The following MDM2 variants were observed in gnomAD, a reference collection of about 807,000 sequenced individuals.
The protein encoded by MDM2 is MDM2 proto-oncogene.
A neutral mutation model predicts 64.3 loss-of-function variants in MDM2; 11 were observed. That is an observed-to-expected ratio of 0.17 (90% CI 0.11 to 0.28). MDM2 has a LOEUF of 0.28. MDM2 is among the 10% of genes least tolerant of loss of function. MDM2 has a pLI of 1.00. For missense variants in MDM2, 388 were observed against 577.1 expected, an observed-to-expected ratio of 0.67 and a Z score of 3.36; for synonymous variants, 194 against 192.9, an observed-to-expected ratio of 1.01 and a Z score of -0.05.
chr12:68,808,429 A>T lies in MDM2; in HGVS notation c.-49A>T, dbSNP rs1240227803. ...CGTGCTTCCGCGCGCCCCGTGAAGG[A>T]AACTGGGGAGTCTTGAGGGACCCCC... On this transcript the variant is annotated 5_prime_UTR_variant, in exon 1 of 11. Coordinates refer to ENST00000258149, the MANE Select transcript of MDM2 (RefSeq NM_002392.6). 9 of 1,613,596 alleles carry T rather than the reference A, an allele frequency of 5.6e-6. No homozygotes were observed. The highest frequency in any genetic ancestry group is 7.6e-6 in the Non-Finnish European group (9 of 1,179,812).
chr12:68,835,021 A>T (rs1402088653), intron 8 of MDM2, among the ~76,000 whole-genome samples: 1 of 152,194 alleles, frequency 6.6e-6, no homozygotes, highest in East Asian at 1.9e-4. Context: ...AAAGTTTATT[A>T]AAAAACATAA....
chr12:68,815,053 C>T (rs1881230439), intron 3 of MDM2, among the ~76,000 whole-genome samples: 1 of 152,196 alleles, frequency 6.6e-6, no homozygotes, highest in South Asian at 2.1e-4. Flanking sequence ...GTCCAATCCA[C>T]AGTCACATAA....
intron 7 of MDM2, 86 bp from the exon 8 acceptor site, chr12:68,828,685 T>C (rs1042611482): frequency 8.4e-7 from 1 of 1,188,036 alleles, no homozygotes; most frequent in Non-Finnish European, 1.2e-6. Context: ...TTATTGAAAC[T>C]AAGTTTCTGT....
At position 68,815,745 on chromosome 12, in the gene MDM2, A is replaced by G. The variant is rs3730522; in HGVS notation, c.175-1067A>G. ...GGTGTGAGCCACTGTGCCCAACGCA[A>G]TTTCTTCATTTCTAATACAGTGATA... On this transcript the variant is annotated intron_variant, in intron 3 of 10. Transcript: ENST00000258149. 217 of 236,042 alleles carry G rather than the reference A, an allele frequency of 9.2e-4. 1 individual carries two copies. The highest frequency in any genetic ancestry group is 5.7e-3 in the South Asian group (156 of 27,364). The allele number at this position is 236,042 out of a possible 1,614,324, so 14.6% of individuals were successfully genotyped here.
chr12:68,823,832 A>G (rs184130404), intron 5 of MDM2, among the ~76,000 whole-genome samples: 1 of 152,324 alleles, frequency 6.6e-6, no homozygotes, highest in East Asian at 1.9e-4. Context: ...TCTGCGGGGA[A>G]GAATGCAGTG....
In MDM2 at chr12:68,828,885, G is replaced by A. The variant is rs1429051105; in HGVS notation, c.638G>A (p.Cys213Tyr). The A allele has an allele frequency of 1.2e-6, 2 of 1,614,040 alleles. No homozygotes were observed. The highest frequency in any genetic ancestry group is 4.5e-5 in the East Asian group (2 of 44,860). Residue 213 changes from cysteine (C) to tyrosine (Y), a missense_variant, in exon 8 of 11, where the codon TGT becomes TAT. Physicochemically the swap from Cys to Tyr is radical, Grantham distance 194. Around this residue, in one of 5 missense-constraint regions of MDM2, gnomAD observed 168 missense variants for 236.6 expected, o/e 0.71. Coordinates refer to ENST00000258149, the MANE Select transcript of MDM2 (RefSeq NM_002392.6). ...LALCVIREIC[C>Y]ERSSSSESTG... ...CTGTGTGTAATAAGGGAGATATGTT[G>A]TGAAAGAAGCAGTAGCAGTGAATCT...
chr12:68,821,745 A>T (rs1206251), intron 5 of MDM2, among the ~76,000 whole-genome samples: 47,834 of 151,930 alleles, frequency 0.31, 8,813 homozygotes, highest in Non-Finnish European at 0.42. Flanking sequence ...AAACAAAACA[A>T]AAAAACACCT....
At chr12:68,836,808 ACTATAT>A in intron 10 of MDM2, 59 bp downstream of exon 10, 1 of 1,016,020 alleles carries the variant, frequency 9.8e-7, no homozygotes, top group East Asian at 2.4e-5. Context: ...AGATTAGGAG[ACTATAT>A]CTAGCTTCTT....
At chr12:68,833,149 A>AATATATATATATATATATATATATAT (rs57734852) in intron 8 of MDM2, among the ~76,000 whole-genome samples, 2 of 65,972 alleles carry the variant, frequency 3.0e-5, no homozygotes, top group African/African-American at 1.2e-4. Context: ...AAAAAAAAAA[A>AATATATATATATATATATATATATAT]ATATATATAT....
chr12:68,815,694 C>A, intron 3 of MDM2: 2 of 402,400 alleles, frequency 5.0e-6, no homozygotes, highest in Non-Finnish European at 1.0e-5. Context: ...CTGCTTACCT[C>A]GGCCTCCTAA....
intron 2 of MDM2, among the ~76,000 whole-genome samples, chr12:68,812,509 C>T (rs550793066): frequency 1.3e-5 from 2 of 152,284 alleles, no homozygotes; most frequent in African/African-American, 4.8e-5. Flanking sequence ...TTCCCCTCCC[C>T]CATGACAATT....
At chr12:68,821,043 GCTT>G (rs1881798801) in intron 5 of MDM2, among the ~76,000 whole-genome samples, 2 of 110,832 alleles carry the variant, frequency 1.8e-5, no homozygotes, top group South Asian at 6.0e-4. Context: ...TACACAGTTT[GCTT>G]TTTTTTTTTT....
At chr12:68,832,557 G>A (rs1882879868) in intron 8 of MDM2, among the ~76,000 whole-genome samples, 2 of 152,078 alleles carry the variant, frequency 1.3e-5, no homozygotes, top group African/African-American at 2.4e-5. Flanking sequence ...CCGTTGCCCA[G>A]GCGGGAGTGC....
chr12:68,821,190 G>A (rs189146525), intron 5 of MDM2, among the ~76,000 whole-genome samples: 286 of 152,044 alleles, frequency 1.9e-3, no homozygotes, highest in Admixed American at 3.9e-3. Flanking sequence ...TGGGACTACA[G>A]GCGTATGCCA....
chr12:68,835,442 G>A (rs1349502338), intron 8 of MDM2, among the ~76,000 whole-genome samples: 2 of 152,238 alleles, frequency 1.3e-5, no homozygotes, highest in Non-Finnish European at 2.9e-5. Context: ...GAGGAGGGGT[G>A]TCTAGTTGAA....
At chr12:68,818,287 C>T (rs1225863863) in intron 4 of MDM2, among the ~76,000 whole-genome samples, 9 of 151,930 alleles carry the variant, frequency 5.9e-5, no homozygotes, top group Admixed American at 5.9e-4. Context: ...AAAAACATAA[C>T]TTCCTCAGCT....
rs1318092991 is a variant in MDM2 at position 68,841,888 on chromosome 12, C to T, written c.*2039C>T. 4 of 219,838 alleles carry T rather than the reference C, an allele frequency of 1.8e-5. No homozygotes were observed. The highest frequency in any genetic ancestry group is 1.6e-4 in the South Asian group (1 of 6,064). The allele number at this position is 219,838 out of a possible 1,614,324, so 13.6% of individuals were successfully genotyped here. A position where few individuals can be genotyped will look rare whatever the true frequency, so the allele number is the denominator to read the frequency against. On this transcript the variant is annotated 3_prime_UTR_variant, in exon 11 of 11. Coordinates refer to ENST00000258149, the MANE Select transcript of MDM2 (RefSeq NM_002392.6). ...TACCTCTTGACTTCCTCTCAAGCTC[C>T]GTGTTTGGTCAGTGGAGGCCCATCC...
At chr12:68,836,986 A>T (rs1359372658) in intron 10 of MDM2, among the ~76,000 whole-genome samples, 2 of 138,164 alleles carry the variant, frequency 1.4e-5, no homozygotes, top group Non-Finnish European at 3.1e-5. Flanking sequence ...ACAGGGTCTT[A>T]CCCTTCTCCC....
At chr12:68,824,990 C>CCT (rs1446003052) in intron 7 of MDM2, among the ~76,000 whole-genome samples, 2 of 150,846 alleles carry the variant, frequency 1.3e-5, no homozygotes, top group Non-Finnish European at 3.0e-5. Context: ...TGGCGGATCA[C>CCT]GAGGTCAGGA....
Sources: allele counts gnomAD v4.1 joint callset (sites outside exome capture counted in the v4.1 genomes callset), GRCh38; gene constraint gnomAD v4.1.1; regional missense constraint gnomAD v4.1.1; transcripts MANE v1.5; gene names NCBI Gene and HGNC (gene_info 2026-07-23, HGNC 2026-07-21).